Variants in NTNG1 observed in about 807,000 individuals in gnomAD.
NTNG1 encodes the protein netrin G1.
In NTNG1, 16 loss-of-function variants were observed where a neutral mutation model predicts 54.0. The ratio of observed to expected loss-of-function variants is 0.30; its 90% CI spans 0.20 to 0.45. NTNG1 has a LOEUF of 0.45. Among genes scored for constraint, NTNG1 ranks in the 20% least tolerant of loss-of-function variants. The pLI is 1.00. For synonymous variants in NTNG1, 255 were observed against 263.1 expected, an observed-to-expected ratio of 0.97 and a Z score of 0.30; for missense variants, 530 against 678.7, an observed-to-expected ratio of 0.78 and a Z score of 2.43.
intron 1 of NTNG1, among the ~76,000 whole-genome samples, chr1:107,143,811 A>C (rs1350072482): frequency 6.6e-6 from 1 of 152,076 alleles, no homozygotes; most frequent in Non-Finnish European, 1.5e-5. Context: ...GATTTCTTCT[A>C]GGCTTAACTG....
chr1:107,412,582 G>A (rs991791006), intron 5 of NTNG1, among the ~76,000 whole-genome samples: 3 of 152,144 alleles, frequency 2.0e-5, no homozygotes, highest in African/African-American at 7.2e-5. Flanking sequence ...TGCCTTAGAA[G>A]ACCTGTTGAT....
chr1:107,308,992 T>G (rs1386666031), intron 2 of NTNG1, among the ~76,000 whole-genome samples: 1 of 140,106 alleles, frequency 7.1e-6, no homozygotes, highest in African/African-American at 2.4e-5. Context: ...TACACGTTGA[T>G]GTATTATTGG....
intron 3 of NTNG1, among the ~76,000 whole-genome samples, chr1:107,372,184 TG>T (rs1162661685): frequency 6.6e-6 from 1 of 152,052 alleles, no homozygotes. Flanking sequence ...GTTTCTGCTT[TG>T]GTATTCATTA....
rs143172034 is a variant in NTNG1 at position 107,434,104 on chromosome 1, T to G, written c.1256-2561T>G. Among the ~76,000 whole-genome samples, 871 of 152,306 alleles carry G rather than the reference T, an allele frequency of 5.7e-3. 12 individuals carry two copies. Among genetic ancestry groups the G allele is most frequent in the African/African-American group, 0.02 (832 of 41,568 alleles). ...AACTTTGAACTTCATCTAAGTCTCA[T>G]CTACATTAAAAATAAAAAAAGAACA... is the stretch of plus-strand genomic sequence containing the variant. On this transcript the variant is annotated intron_variant, in intron 6 of 7. Transcript: ENST00000370068.
intron 2 of NTNG1, among the ~76,000 whole-genome samples, chr1:107,193,655 G>T (rs1658119720): frequency 6.6e-6 from 1 of 151,930 alleles, no homozygotes; most frequent in African/African-American, 2.4e-5. Flanking sequence ...AGAGGTCCAA[G>T]TGAAGGTTCA....
intron 2 of NTNG1, among the ~76,000 whole-genome samples, chr1:107,176,264 A>C (rs6583010): frequency 0.67 from 102,005 of 152,036 alleles, 38,873 homozygotes; most frequent in Non-Finnish European, 0.84. Context: ...AACTGCAATC[A>C]GCAACTTATT....
chr1:107,302,856 T>C (rs1317623957), intron 2 of NTNG1, among the ~76,000 whole-genome samples: 1 of 152,222 alleles, frequency 6.6e-6, no homozygotes, highest in African/African-American at 2.4e-5. Flanking sequence ...TGTTTTGTTT[T>C]ATATTTCTTT....
At chr1:107,277,149 C>T (rs1321673937) in intron 2 of NTNG1, among the ~76,000 whole-genome samples, 39 of 152,176 alleles carry the variant, frequency 2.6e-4, no homozygotes, top group Admixed American at 2.5e-3. Context: ...GATCGCCCAC[C>T]AGAGGGAGCT....
intron 5 of NTNG1, among the ~76,000 whole-genome samples, chr1:107,418,375 T>C (rs1466192758): frequency 6.6e-6 from 1 of 152,082 alleles, no homozygotes; most frequent in Non-Finnish European, 1.5e-5. Context: ...GGGAAGTAGC[T>C]ATATATTTAA....
chr1:107,185,675 G>A (rs12092065), intron 2 of NTNG1, among the ~76,000 whole-genome samples: 5,546 of 152,170 alleles, frequency 0.036, 328 homozygotes, highest in African/African-American at 0.13. Context: ...TGAAAGTTAC[G>A]TAGCATCGTT....
Position 107,478,107 on chromosome 1 carries a change from G to C in NTNG1, c.1391-2504G>C, listed in dbSNP as rs144468466. Among the ~76,000 whole-genome samples, 231 of 152,272 alleles carry C rather than the reference G, an allele frequency of 1.5e-3. 1 individual carries two copies. The highest frequency in any genetic ancestry group is 5.5e-3 in the African/African-American group (227 of 41,542). On this transcript the variant is annotated intron_variant, in intron 7 of 7. Transcript: ENST00000370068. ...CAATTTTGGTTCAAAATGACATGAA[G>C]ATGGAGCATGATTATGAATATCAGG...
chr1:107,248,342 G>A (rs905610682), intron 2 of NTNG1, among the ~76,000 whole-genome samples: 3 of 152,172 alleles, frequency 2.0e-5, no homozygotes, highest in East Asian at 1.9e-4. Flanking sequence ...ATGCTATTGG[G>A]TTCACCTATG....
chr1:107,440,710 G>C (rs1675912007), intron 7 of NTNG1, among the ~76,000 whole-genome samples: 1 of 152,110 alleles, frequency 6.6e-6, no homozygotes, highest in Admixed American at 6.6e-5. Flanking sequence ...AAAGCCTCCT[G>C]GTTAGAGACA....
Position 107,289,858 on chromosome 1 carries a change from G to C in NTNG1, c.247-34424G>C, listed in dbSNP as rs147397561. On this transcript the variant is annotated intron_variant, in intron 2 of 7. Transcript: ENST00000370068. Reference sequence around the variant, plus strand: ...TACCTAAAGAATTGATTTACATTCAGTTGATTTTTATATTAATTGATTTTT... The same window carrying C: ...TACCTAAAGAATTGATTTACATTCACTTGATTTTTATATTAATTGATTTTT... Among the ~76,000 whole-genome samples, 81 of 152,214 alleles carry C rather than the reference G, an allele frequency of 5.3e-4. No homozygotes were observed. In the East Asian group the frequency reaches 0.014, roughly 26 times the overall value.
intron 2 of NTNG1, among the ~76,000 whole-genome samples, chr1:107,264,127 G>C (rs1029575804): frequency 6.6e-6 from 1 of 151,598 alleles, no homozygotes; most frequent in African/African-American, 2.4e-5. Flanking sequence ...TTTCCTTCTT[G>C]CCTGTAGAAT....
chr1:107,406,421 A>G (rs1381183311), intron 4 of NTNG1, among the ~76,000 whole-genome samples: 2 of 152,144 alleles, frequency 1.3e-5, no homozygotes, highest in African/African-American at 2.4e-5. Context: ...TGTGTCAGAC[A>G]TTTTTATGGA....
chr1:107,366,129 G>C (rs1411213263), intron 3 of NTNG1, among the ~76,000 whole-genome samples: 1 of 152,064 alleles, frequency 6.6e-6, no homozygotes, highest in Non-Finnish European at 1.5e-5. Context: ...ACATAGCAGA[G>C]AGTTAAGTAA....
intron 3 of NTNG1, among the ~76,000 whole-genome samples, chr1:107,371,150 C>G: frequency 6.6e-6 from 1 of 151,944 alleles, no homozygotes; most frequent in East Asian, 1.9e-4. Context: ...TGCCTAGTTT[C>G]CTGAGAGTTG....
intron 2 of NTNG1, among the ~76,000 whole-genome samples, chr1:107,290,424 C>T (rs530494742): frequency 6.6e-6 from 1 of 152,272 alleles, no homozygotes; most frequent in Admixed American, 6.5e-5. Flanking sequence ...GACGTGGACC[C>T]TGACCCAAAC....
Sources: gnomAD v4.1 joint callset for allele counts (sites outside exome capture counted in the v4.1 genomes callset) on GRCh38, gnomAD v4.1.1 for gene constraint, MANE v1.5 for transcripts, NCBI Gene and HGNC (gene_info 2026-07-23, HGNC 2026-07-21) for gene names.